The following PI15 variants were observed in gnomAD, a reference collection of about 807,000 sequenced individuals.
The protein encoded by PI15 is 25 kDa trypsin inhibitor.
PI15 carries 18 observed loss-of-function variants against 31.0 expected under a neutral mutation model. The observed-to-expected ratio is 0.58, with a 90% confidence interval of 0.40 to 0.86. The LOEUF (loss-of-function observed/expected upper bound fraction) is 0.86, where lower values mean the gene tolerates loss of function less well. Ranked by LOEUF, PI15 falls within the 40% of genes least tolerant of loss-of-function variation. The pLI, the probability that PI15 is intolerant of heterozygous loss-of-function variation, is 0.00. For synonymous variants in PI15, 118 were observed against 119.1 expected (o/e 0.99, Z 0.06); for missense variants, 282 against 328.1 (o/e 0.86, Z 1.09).
At position 74,854,582 on chromosome 8, in the gene PI15, T is replaced by C. The variant is rs2128767464; in HGVS notation, c.*5329T>C. ...ATTATTTCAATGGTTGTTTGAAATA[T>C]TCAGTTCAGTTTGTACCTGTTAGCA... is the stretch of plus-strand genomic sequence containing the variant. On this transcript the variant is annotated 3_prime_UTR_variant, in exon 6 of 6. Transcript: ENST00000260113. The C allele has an allele frequency of 6.6e-6, 1 of 152,162 alleles. No individual in the cohort carries two copies. Among genetic ancestry groups the C allele is most frequent in the Middle Eastern group, 3.4e-3 (1 of 294 alleles). The allele number at this position is 152,162 out of a possible 1,614,324, so 9.4% of individuals were successfully genotyped here. A position where few individuals can be genotyped will look rare whatever the true frequency, so the allele number is the denominator to read the frequency against.
At chr8:74,843,951 C>A (rs376689127) in intron 2 of PI15, 30 bp from the exon 3 acceptor site, 2 of 989,932 alleles carry the variant, frequency 2.0e-6, no homozygotes, top group Non-Finnish European at 3.3e-6. Flanking sequence ...CAGCAAATTC[C>A]GTAACGCTGA....
intron 2 of PI15, among the ~76,000 whole-genome samples, chr8:74,831,674 G>A (rs1295118309): frequency 6.6e-6 from 1 of 152,100 alleles, no homozygotes; most frequent in Non-Finnish European, 1.5e-5. Context: ...ATAGATACAG[G>A]GTTCTTTGGA....
chr8:74,825,444 T>A lies in PI15; in HGVS notation c.195T>A (p.Asn65Lys), dbSNP rs1810683078. Residue 65 changes from asparagine to lysine, a missense_variant, in exon 2 of 6, where the codon AAT (asparagine) becomes AAA (lysine). Asn to Lys is a moderately conservative substitution (Grantham distance 94, BLOSUM62 0). Transcript: ENST00000260113. Reference protein sequence around the residue: ...KARRKRYISQNDMIAILDYHN... With the variant: ...KARRKRYISQKDMIAILDYHN... The stretch of plus-strand genomic sequence containing the variant: ...GGCGGAAGCGCTACATTTCGCAGAA[T>A]GACATGATCGCCATTCTTGATTATC... 6.2e-7 allele frequency: 1 copy of A among 1,613,234 alleles called. No individual in the cohort carries two copies. Among genetic ancestry groups the A allele is most frequent in the Non-Finnish European group, 8.5e-7 (1 of 1,179,526 alleles).
intron 2 of PI15, among the ~76,000 whole-genome samples, chr8:74,833,969 A>G (rs964336073): frequency 1.3e-5 from 2 of 152,186 alleles, no homozygotes; most frequent in Admixed American, 6.5e-5. Flanking sequence ...TAGCAGGATT[A>G]GATTTTCACA....
intron 3 of PI15, among the ~76,000 whole-genome samples, chr8:74,844,648 G>A (rs1008680197): frequency 1.3e-5 from 2 of 151,934 alleles, no homozygotes; most frequent in Admixed American, 6.6e-5. Context: ...GTGCAAAGTC[G>A]TTATCCAACA....
At chr8:74,849,027 T>C in intron 5 of PI15, 91 bp from the exon 6 acceptor site, 1 of 1,076,202 alleles carries the variant, frequency 9.3e-7, no homozygotes, top group Non-Finnish European at 1.4e-6. Context: ...TCATCACATG[T>C]CAATACTTGT....
intron 2 of PI15, chr8:74,826,436 A>G (rs1012885547): frequency 5.6e-5 from 11 of 196,252 alleles, no homozygotes; most frequent in African/African-American, 2.6e-4. Flanking sequence ...TTCTAGATTC[A>G]CTTGTTTTAT....
chr8:74,837,684 A>G (rs987159447), intron 2 of PI15, among the ~76,000 whole-genome samples: 9 of 152,194 alleles, frequency 5.9e-5, no homozygotes, highest in Admixed American at 5.9e-4. Flanking sequence ...TTTTAAAAAT[A>G]AAAACTTGTC....
In PI15 at chr8:74,845,449, G is replaced by A; in HGVS notation, c.593G>A (p.Gly198Glu). 1 of 1,614,050 alleles carries A rather than the reference G, an allele frequency of 6.2e-7. No individual in the cohort carries two copies. Among genetic ancestry groups the A allele is most frequent in the Non-Finnish European group, 8.5e-7 (1 of 1,179,946 alleles). ...IHTCQNMNVW[G>E]SVWRRAVYLV... is the part of the protein sequence containing the mutation. The stretch of plus-strand genomic sequence containing the variant: ...ACTTGCCAAAACATGAATGTTTGGG[G>A]ATCTGTGTGGCGACGTGCAGTTTAC... The change falls in exon 5 of 6, where the codon GGA becomes GAA. Residue 198 changes from glycine to glutamate, a missense_variant. Transcript: ENST00000260113.
chr8:74,841,717 T>C (rs1810948703), intron 2 of PI15, among the ~76,000 whole-genome samples: 1 of 152,216 alleles, frequency 6.6e-6, no homozygotes, highest in South Asian at 2.1e-4. Context: ...ATGTTTTGTA[T>C]TGTGGTGAAC....
intron 2 of PI15, chr8:74,826,219 A>T: frequency 2.0e-6 from 1 of 493,406 alleles, no homozygotes; most frequent in Non-Finnish European, 2.6e-6. Flanking sequence ...GTTAGTATTG[A>T]AAGGAAAAAG....
At chr8:74,846,307 A>T (rs1366435877) in intron 5 of PI15, among the ~76,000 whole-genome samples, 1 of 152,238 alleles carries the variant, frequency 6.6e-6, no homozygotes, top group Non-Finnish European at 1.5e-5. Flanking sequence ...GCTTTTACAA[A>T]GTCAGAAAAA....
At chr8:74,837,147 T>C (rs1157036929) in intron 2 of PI15, among the ~76,000 whole-genome samples, 1 of 152,156 alleles carries the variant, frequency 6.6e-6, no homozygotes, top group Admixed American at 6.5e-5. Context: ...CTTCAAACAT[T>C]ACAAAAATCC....
At chr8:74,843,842 C>T (rs201514302) in intron 2 of PI15, 139 bp from the exon 3 acceptor site, 49,336 of 666,236 alleles carry the variant, frequency 0.074, 2,369 homozygotes, top group African/African-American at 0.17. Flanking sequence ...TCCACTCCAG[C>T]CCGGGCAGAA....
intron 2 of PI15, 74 bp downstream of exon 2, chr8:74,825,596 A>C: frequency 1.4e-5 from 17 of 1,215,074 alleles, no homozygotes; most frequent in Non-Finnish European, 1.6e-5. Context: ...CAGAATCTCA[A>C]ACGACCACGA....
At chr8:74,825,898 TCA>T (rs1275125170) in intron 2 of PI15, among the ~76,000 whole-genome samples, 1 of 152,124 alleles carries the variant, frequency 6.6e-6, no homozygotes, top group Non-Finnish European at 1.5e-5. Flanking sequence ...GTGCTTTATC[TCA>T]CAGTCATATT....
At position 74,849,146 on chromosome 8, in the gene PI15, A is replaced by G; in HGVS notation, c.670A>G (p.Lys224Glu). 2 of 1,613,078 alleles carry G rather than the reference A, an allele frequency of 1.2e-6. No individual in the cohort carries two copies. Among genetic ancestry groups the G allele is most frequent in the Non-Finnish European group, 1.7e-6 (2 of 1,179,300 alleles). The change falls in exon 6 of 6, where the codon AAA (lysine) becomes GAA (glutamate). Residue 224 changes from lysine (K) to glutamate (E), a missense_variant. Transcript: ENST00000260113. The stretch of plus-strand genomic sequence containing the variant: ...CAATTGGATTGGAGAAGCACCATAT[A>G]AAGTAGGGGTACCATGTTCATCTTG... ...KGNWIGEAPY[K>E]VGVPCSSCPP... is the part of the protein sequence containing the mutation.
intron 5 of PI15, 21 bp from the exon 6 acceptor site, chr8:74,849,097 C>CT (rs763335450): frequency 1.9e-6 from 3 of 1,606,358 alleles, no homozygotes; most frequent in Admixed American, 1.7e-5. Flanking sequence ...CTAATGCTAT[C>CT]TTTTTTGTTT....
intron 2 of PI15, among the ~76,000 whole-genome samples, chr8:74,842,822 G>A (rs1368683493): frequency 6.6e-6 from 1 of 152,050 alleles, no homozygotes; most frequent in Non-Finnish European, 1.5e-5. Flanking sequence ...TATTAACTTA[G>A]CTTCCTCTAT....
Sources: allele counts gnomAD v4.1 joint callset (sites outside exome capture counted in the v4.1 genomes callset), GRCh38; gene constraint gnomAD v4.1.1; transcripts MANE v1.5; gene names NCBI Gene and HGNC (gene_info 2026-07-23, HGNC 2026-07-21).